The following CDR2L variants were observed in gnomAD, a reference collection of about 807,000 sequenced individuals.
CDR2L encodes cerebellar degeneration-related protein 2-like.
CDR2L carries 19 observed loss-of-function variants against 36.1 expected under a neutral mutation model. That is an observed-to-expected ratio of 0.53 (90% confidence interval 0.37 to 0.77). CDR2L has a LOEUF of 0.77. Among genes scored for constraint, CDR2L ranks in the 30% least tolerant of loss-of-function variants. The probability of loss-of-function intolerance (pLI) is 0.00; values close to 1 mark genes in which losing one functional copy is unlikely to be tolerated. For synonymous variants in CDR2L, 285 were observed against 280.4 expected (o/e 1.02, Z -0.16); for missense variants, 575 against 627.2 (o/e 0.92, Z 0.89).
rs1260650430 is a variant in CDR2L at position 74,989,464 on chromosome 17, A to AC, written c.79+1347dup. Among the ~76,000 whole-genome samples the AC allele has an allele frequency of 9.8e-6, 1 of 101,842 alleles. No individual in the cohort carries two copies. The allele number at this position is 101,842 out of a possible 152,430, so 66.8% of individuals were successfully genotyped here. ...ACACACACATCCACACATTGTGACA[A>AC]CCCCCTCTCCCATCCTGGGCAGTAA... On this transcript the variant is annotated intron_variant, in intron 1 of 4. Transcript: ENST00000337231. This position sits in a 1 kb window ranked among gnomAD's most constrained non-coding sequence, Gnocchi z 4.2.
intron 1 of CDR2L, among the ~76,000 whole-genome samples, chr17:74,990,873 T>C (rs954852711): frequency 2.6e-5 from 4 of 152,216 alleles, no homozygotes; most frequent in African/African-American, 9.6e-5. Flanking sequence ...ACCCAGCTGC[T>C]CCCTGGTTGC....
Position 74,999,557 on chromosome 17 carries a change from C to G in CDR2L, c.133C>G (p.Leu45Val). Reference protein sequence around the residue: ...GKTLLERNKELEGSLQQMYST... With the variant: ...GKTLLERNKEVEGSLQQMYST... Reference sequence around the variant, plus strand: ...GACTCTGCTGGAGAGGAACAAGGAGCTGGAGGGGTCCCTGCAGCAGATGTA... The same window carrying G: ...GACTCTGCTGGAGAGGAACAAGGAGGTGGAGGGGTCCCTGCAGCAGATGTA... The change falls in exon 2 of 5, where the codon CTG becomes GTG. Residue 45 changes from leucine (L) to valine (V), a missense_variant. By Grantham distance (32) the Leu-to-Val change is conservative. Transcript: ENST00000337231. 2 of 1,589,358 alleles carry G rather than the reference C, an allele frequency of 1.3e-6. No homozygotes were observed. The highest frequency in any genetic ancestry group is 1.2e-5 in the South Asian group (1 of 86,552).
At chr17:74,996,003 T>TG (rs1477684458) in intron 1 of CDR2L, among the ~76,000 whole-genome samples, 2 of 152,102 alleles carry the variant, frequency 1.3e-5, no homozygotes, top group Non-Finnish European at 2.9e-5. Flanking sequence ...TTTTTTTTTT[T>TG]GACAGATTTA....
At chr17:74,990,462 A>G (rs2039789752) in intron 1 of CDR2L, among the ~76,000 whole-genome samples, 1 of 152,228 alleles carries the variant, frequency 6.6e-6, no homozygotes, top group Non-Finnish European at 1.5e-5. Flanking sequence ...TCCACGTTAC[A>G]TTAGAGAAGA....
In CDR2L at chr17:75,003,158, C is replaced by T. The variant is rs370726584; in HGVS notation, c.507-25C>T. ...ACTGCCCTCTCCTCCGCCCCCACCC[C>T]GCTGCGACTCTCACTACCCGCCAGG... On this transcript the variant is annotated intron_variant, in intron 4 of 4. Coordinates refer to ENST00000337231, the MANE Select transcript of CDR2L (RefSeq NM_014603.3). 1.6e-5 allele frequency: 25 copies of T among 1,551,822 alleles called. No homozygotes were observed. In the African/African-American group the frequency reaches 1.9e-4, roughly 12 times the overall value.
intron 1 of CDR2L, among the ~76,000 whole-genome samples, chr17:74,988,858 C>T (rs2039779492): frequency 6.6e-6 from 1 of 151,972 alleles, no homozygotes; most frequent in Admixed American, 6.6e-5. Context: ...ACAGAAAGGG[C>T]GACTGGAAGG....
At chr17:74,992,385 G>C (rs1210158239) in intron 1 of CDR2L, among the ~76,000 whole-genome samples, 1 of 151,400 alleles carries the variant, frequency 6.6e-6, no homozygotes, top group Non-Finnish European at 1.5e-5. Context: ...GACCTGCACA[G>C]TTCAAACCCA....
chr17:74,997,038 TTC>T (rs1430577303), intron 1 of CDR2L, among the ~76,000 whole-genome samples: 2 of 7,684 alleles, frequency 2.6e-4, no homozygotes, highest in Non-Finnish European at 2.4e-3. Flanking sequence ...ACCCTTTTCT[TTC>T]TTTCTTTCTT....
rs1431405836 is a variant in CDR2L at position 75,002,892 on chromosome 17, C to G, written c.507-291C>G. Among the ~76,000 whole-genome samples, 4 of 152,188 alleles carry G rather than the reference C, an allele frequency of 2.6e-5. No individual in the cohort carries two copies. The highest frequency in any genetic ancestry group is 9.7e-5 in the African/African-American group (4 of 41,438). The stretch of plus-strand genomic sequence containing the variant: ...TGGAGAGCCCAAAGAAGACACACCC[C>G]ACGGCCTCTGCTCCCCCCTCGGACC... On this transcript the variant is annotated intron_variant, in intron 4 of 4. Coordinates refer to ENST00000337231, the MANE Select transcript of CDR2L (RefSeq NM_014603.3). This position sits in a 1 kb window ranked among gnomAD's most constrained non-coding sequence, Gnocchi z 4.1.
At chr17:75,000,593 G>A (rs551020655) in intron 2 of CDR2L, among the ~76,000 whole-genome samples, 307 of 141,694 alleles carry the variant, frequency 2.2e-3, no homozygotes, top group African/African-American at 7.5e-3. Flanking sequence ...CCATCACGCC[G>A]GGCATAAAAA....
Position 75,002,161 on chromosome 17 carries a change from G to A in CDR2L, c.439G>A (p.Glu147Lys). The change falls in exon 4 of 5, where the codon GAG becomes AAG. Residue 147 changes from glutamate (E) to lysine (K), a missense_variant. Coordinates refer to ENST00000337231, the MANE Select transcript of CDR2L (RefSeq NM_014603.3). This position sits in a 1 kb window ranked among gnomAD's most constrained non-coding sequence, Gnocchi z 4.1. ...CCTGGAACAGCTGCGAGTGCTCCGG[G>A]AGAAGCGGGAACGCAGGCGTACCAT... ...RGLEQLRVLR[E>K]KRERRRTIHT... The A allele has an allele frequency of 6.2e-7, 1 of 1,608,266 alleles. No individual in the cohort carries two copies. The highest frequency in any genetic ancestry group is 8.5e-7 in the Non-Finnish European group (1 of 1,177,686).
intron 1 of CDR2L, among the ~76,000 whole-genome samples, chr17:74,992,890 G>T (rs1363683884): frequency 2.0e-5 from 3 of 152,192 alleles, no homozygotes; most frequent in East Asian, 3.8e-4. Context: ...GGAAGTGGGG[G>T]GTATGATGTT....
At chr17:74,993,150 A>C (rs966658988) in intron 1 of CDR2L, among the ~76,000 whole-genome samples, 5 of 152,176 alleles carry the variant, frequency 3.3e-5, no homozygotes, top group African/African-American at 1.2e-4. Flanking sequence ...AGGATGAGCT[A>C]AATTTGAGTC....
At chr17:75,000,505 A>G (rs1444314387) in intron 2 of CDR2L, among the ~76,000 whole-genome samples, 1 of 147,878 alleles carries the variant, frequency 6.8e-6, no homozygotes, top group Non-Finnish European at 1.5e-5. Context: ...TCACTGTGTT[A>G]GCCAGGATGG....
chr17:74,995,991 C>CT (rs113729536), intron 1 of CDR2L, among the ~76,000 whole-genome samples: 5,063 of 146,570 alleles, frequency 0.035, 266 homozygotes, highest in African/African-American at 0.12. Context: ...CTGCCTAAAT[C>CT]TTTTTTTTTT....
chr17:75,002,048 A>G lies in CDR2L; in HGVS notation c.342-16A>G, dbSNP rs749292536. Reference sequence around the variant, plus strand: ...ATCCCCTTAAAGTCCCTGTGTGTCCACCACCCCGCCCCCAGGCTGACGGAG... The same window carrying G: ...ATCCCCTTAAAGTCCCTGTGTGTCCGCCACCCCGCCCCCAGGCTGACGGAG... On this transcript the variant is annotated splice_polypyrimidine_tract_variant and intron_variant, in intron 3 of 4. Transcript: ENST00000337231. This position sits in a 1 kb window ranked among gnomAD's most constrained non-coding sequence, Gnocchi z 4.1. 1.5e-5 allele frequency: 24 copies of G among 1,553,348 alleles called. No homozygotes were observed. The highest frequency in any genetic ancestry group is 2.1e-5 in the Non-Finnish European group (24 of 1,155,320).
intron 1 of CDR2L, among the ~76,000 whole-genome samples, chr17:74,997,834 A>AC (rs34461227): frequency 1.1e-4 from 17 of 149,196 alleles, no homozygotes; most frequent in Non-Finnish European, 2.2e-4. Flanking sequence ...ACATGGTGAG[A>AC]CCCCCTCTCT....
Position 74,989,482 on chromosome 17 carries a change from G to A in CDR2L, c.79+1360G>A, listed in dbSNP as rs1388082723. 6.9e-6 allele frequency among the ~76,000 whole-genome samples: 1 copy of A among 145,442 alleles called. No individual in the cohort carries two copies. The highest frequency in any genetic ancestry group is 1.5e-5 in the Non-Finnish European group (1 of 66,302). On this transcript the variant is annotated intron_variant, in intron 1 of 4. Transcript: ENST00000337231. The surrounding 1 kb of genome is among the most constrained non-coding windows in gnomAD (Gnocchi z 4.2). ...TGTGACAACCCCCTCTCCCATCCTG[G>A]GCAGTAAATTTTTCCATGAACACCT... is the stretch of plus-strand genomic sequence containing the variant.
rs761820137 is a variant in CDR2L, at chr17:75,004,082, C to T, written c.*8C>T. 8.2e-6 allele frequency: 13 copies of T among 1,594,126 alleles called. No individual in the cohort carries two copies. Among genetic ancestry groups the T allele is most frequent in the Non-Finnish European group, 3.4e-6 (4 of 1,169,530 alleles). ...ACGCACAGCAGCAAGTGACCCTTCTCCGGCCTGCAGCCTCCCCCAGGGTGG... is the reference window on the plus strand; with the variant it reads ...ACGCACAGCAGCAAGTGACCCTTCTTCGGCCTGCAGCCTCCCCCAGGGTGG... On this transcript the variant is annotated 3_prime_UTR_variant, in exon 5 of 5. Coordinates refer to ENST00000337231, the MANE Select transcript of CDR2L (RefSeq NM_014603.3).
Sources: gnomAD v4.1 joint callset for allele counts (sites outside exome capture counted in the v4.1 genomes callset) on GRCh38, gnomAD v4.1.1 for gene constraint, Gnocchi (gnomAD v3.1) non-coding constraint, MANE v1.5 for transcripts, NCBI Gene and HGNC (gene_info 2026-07-23, HGNC 2026-07-21) for gene names.